The following SBNO2 variants were observed in gnomAD, a reference collection of about 807,000 sequenced individuals.
The protein encoded by SBNO2 is protein strawberry notch homolog 2.
In SBNO2, 89 loss-of-function variants were observed where a neutral mutation model predicts 146.3. The observed-to-expected ratio is 0.61, with a 90% CI of 0.51 to 0.73. The LOEUF is 0.73. SBNO2 is among the 30% of genes least tolerant of loss of function. The pLI, the probability that SBNO2 is intolerant of heterozygous loss-of-function variation, is 0.00. For missense variants in SBNO2, 2,092 were observed against 2,003.7 expected, an observed-to-expected ratio of 1.04 and a Z score of -0.84; for synonymous variants, 1,147 against 892.6, an observed-to-expected ratio of 1.29 and a Z score of -5.08.
chr19:1,117,082 T>G (rs890402668), intron 15 of SBNO2, among the ~76,000 whole-genome samples, 156 bp from the exon 16 acceptor site: 1 of 151,932 alleles, frequency 6.6e-6, no homozygotes, highest in Non-Finnish European at 1.5e-5. Flanking sequence ...CACACACTGC[T>G]GGGTGGGGGT....
At chr19:1,115,787 C>T (rs569725257) in intron 17 of SBNO2, 2 of 582,988 alleles carry the variant, frequency 3.4e-6, no homozygotes, top group Non-Finnish European at 6.1e-6. Flanking sequence ...TCGCTCGGCA[C>T]CCACGTCTGT....
chr19:1,167,826 G>C (rs969117529), intron 1 of SBNO2, among the ~76,000 whole-genome samples: 1 of 152,210 alleles, frequency 6.6e-6, no homozygotes, highest in Non-Finnish European at 1.5e-5. Context: ...GGAAACCCAG[G>C]CTCCTGAACG....
chr19:1,113,735 C>A, intron 18 of SBNO2, 31 bp from the exon 19 acceptor site: 2 of 1,459,434 alleles, frequency 1.4e-6, no homozygotes, highest in East Asian at 2.8e-5. Context: ...CAGGGCAGGA[C>A]ATGTTGGCTG....
At chr19:1,118,334 C>T (rs1178271776) in intron 14 of SBNO2, among the ~76,000 whole-genome samples, 12 of 151,584 alleles carry the variant, frequency 7.9e-5, no homozygotes, top group African/African-American at 2.9e-4. Flanking sequence ...GTGGAAACCC[C>T]GTCTCAAAAA....
At chr19:1,167,935 G>A (rs372500493) in intron 1 of SBNO2, among the ~76,000 whole-genome samples, 4 of 152,154 alleles carry the variant, frequency 2.6e-5, no homozygotes, top group Non-Finnish European at 1.5e-5. Context: ...TGAGGAGCTC[G>A]AGTATCCCCC....
chr19:1,151,154 TGGCACATCC>T (rs1277092671), intron 2 of SBNO2, among the ~76,000 whole-genome samples: 1 of 152,236 alleles, frequency 6.6e-6, no homozygotes, highest in African/African-American at 2.4e-5. Context: ...CAAGGCCATG[TGGCACATCC>T]GGAACATTCT....
intron 1 of SBNO2, among the ~76,000 whole-genome samples, chr19:1,171,286 C>T (rs1377374929): frequency 6.6e-6 from 1 of 152,062 alleles, no homozygotes; most frequent in African/African-American, 2.4e-5. Flanking sequence ...GTCCGTACGA[C>T]GCACACACAG....
chr19:1,165,337 C>T (rs2080402715), intron 1 of SBNO2, among the ~76,000 whole-genome samples: 2 of 152,150 alleles, frequency 1.3e-5, no homozygotes, highest in Admixed American at 1.3e-4. Context: ...AAGCCAACCC[C>T]GAAAGTGGAA....
intron 1 of SBNO2, among the ~76,000 whole-genome samples, chr19:1,155,682 T>C (rs1238693932): frequency 6.6e-6 from 1 of 152,208 alleles, no homozygotes; most frequent in African/African-American, 2.4e-5. Context: ...AGCCTCGGTA[T>C]GTTCCTCTGG....
At chr19:1,167,201 G>A (rs568957386) in intron 1 of SBNO2, among the ~76,000 whole-genome samples, 59 of 152,376 alleles carry the variant, frequency 3.9e-4, no homozygotes, top group African/African-American at 1.3e-3. Context: ...GCTGCTCCAC[G>A]CCTGGAGGAG....
At chr19:1,166,070 C>A (rs1409838572) in intron 1 of SBNO2, among the ~76,000 whole-genome samples, 1 of 2,196 alleles carries the variant, frequency 4.6e-4, no homozygotes, top group African/African-American at 1.9e-3. Flanking sequence ...CCCAGACCCC[C>A]AGATCTCAGA....
chr19:1,165,478 T>C (rs1003533343), intron 1 of SBNO2, among the ~76,000 whole-genome samples: 3 of 152,112 alleles, frequency 2.0e-5, no homozygotes, highest in African/African-American at 7.2e-5. Context: ...GTAGTGGTGG[T>C]TGCTGGCACT....
chr19:1,138,089 C>T lies in SBNO2; in HGVS notation c.279+9220G>A, dbSNP rs1311664247. On this transcript the variant is annotated intron_variant, in intron 4 of 31. Transcript: ENST00000361757. ...GTGGGGGGAGGCTCGGGCTGGGGTG[C>T]GGTGGGGGGAGGCTCGGGCTGGGGT... 7.7e-4 allele frequency among the ~76,000 whole-genome samples: 3 copies of T among 3,892 alleles called. 1 individual carries two copies. The South Asian group carries it at 0.014, about 18-fold the overall frequency. 2.6% of individuals were successfully genotyped at this position (3,892 alleles called of 152,430 possible).
Position 1,109,677 on chromosome 19 carries a change from G to A in SBNO2, c.3123+6C>T, listed in dbSNP as rs369302193. On this transcript the variant is annotated splice_donor_region_variant and intron_variant, in intron 27 of 31. Transcript: ENST00000361757. The surrounding 1 kb of genome is among the most constrained non-coding windows in gnomAD (Gnocchi z 4.2). The stretch of plus-strand genomic sequence containing the variant: ...AGTGTGAGGGGCTGTGGGGCTTCCT[G>A]CTGACCTTGTAGAAGACCACCTGCC... The A allele has an allele frequency of 2.5e-6, 4 of 1,607,700 alleles. No homozygotes were observed. Among genetic ancestry groups the A allele is most frequent in the East Asian group, 2.2e-5 (1 of 44,734 alleles).
intron 1 of SBNO2, among the ~76,000 whole-genome samples, chr19:1,163,279 C>T (rs1031089239): frequency 4.6e-5 from 7 of 152,328 alleles, no homozygotes; most frequent in Non-Finnish European, 7.3e-5. Flanking sequence ...ACCCACACAT[C>T]GGGAGACGGC....
intron 11 of SBNO2, among the ~76,000 whole-genome samples, chr19:1,121,815 G>GAACCAAGAAACC (rs2079904020): frequency 6.6e-6 from 1 of 152,174 alleles, no homozygotes; most frequent in Non-Finnish European, 1.5e-5. Context: ...CCACTTATCA[G>GAACCAAGAAACC]AACCAAGAAA....
intron 5 of SBNO2, chr19:1,127,393 A>G: frequency 1.7e-6 from 1 of 595,636 alleles, no homozygotes; most frequent in Non-Finnish European, 3.0e-6. Flanking sequence ...GTAGCCACAG[A>G]TGTCCTGGAC....
Position 1,122,172 on chromosome 19 carries a change from G to T in SBNO2, c.1116C>A (p.Ile372=), listed in dbSNP as rs745355527. 2.0e-6 allele frequency: 3 copies of T among 1,525,652 alleles called. No individual in the cohort carries two copies. Among genetic ancestry groups the T allele is most frequent in the South Asian group, 2.5e-5 (2 of 80,380 alleles). The allele number at this position is 1,525,652 out of a possible 1,614,324, so 94.5% of individuals were successfully genotyped here. The change falls in exon 11 of 32, where the codon ATC becomes ATA. Residue 372 remains isoleucine (I), a synonymous_variant. Transcript: ENST00000361757. The stretch of plus-strand genomic sequence containing the variant: ...CGAAGGCCTCCCCACACCAGTCCAG[G>T]ATCTGCCGGAGGCGAGTGCGGTGCT... ...GGQHRTRLRQ[I]LDWCGEAFEG...
chr19:1,123,858 C>A, intron 6 of SBNO2, 84 bp downstream of exon 6: 1 of 1,408,504 alleles, frequency 7.1e-7, no homozygotes, highest in Admixed American at 2.3e-5. Flanking sequence ...AAGCGCTCCC[C>A]ACAATGGAGA....
Sources: allele counts gnomAD v4.1 joint callset (sites outside exome capture counted in the v4.1 genomes callset), GRCh38; gene constraint gnomAD v4.1.1; non-coding constraint Gnocchi (gnomAD v3.1); transcripts MANE v1.5; gene names NCBI Gene and HGNC (gene_info 2026-07-23, HGNC 2026-07-21).